ARHGEF28: variants seen among roughly 807,000 people sequenced by gnomAD.
The protein encoded by ARHGEF28 is 190 kDa guanine nucleotide exchange factor.
A neutral mutation model predicts 206.6 loss-of-function variants in ARHGEF28; 152 were observed. The ratio of observed to expected loss-of-function variants is 0.74; its 90% confidence interval spans 0.64 to 0.84. ARHGEF28 has a LOEUF of 0.84. Among genes scored for constraint, ARHGEF28 ranks in the 40% least tolerant of loss-of-function variants. ARHGEF28 has a pLI of 0.00. For synonymous variants in ARHGEF28, 763 were observed against 776.4 expected (o/e 0.98, Z 0.29); for missense variants, 2,028 against 2,073.2 (o/e 0.98, Z 0.42).
intron 7 of ARHGEF28, among the ~76,000 whole-genome samples, chr5:73,787,355 C>A (rs1461361208): frequency 6.6e-6 from 1 of 152,102 alleles, no homozygotes; most frequent in Non-Finnish European, 1.5e-5. Context: ...TCATACGCAG[C>A]CCTAGGAAAT....
At chr5:73,883,421 T>C (rs1001857419) in intron 23 of ARHGEF28, among the ~76,000 whole-genome samples, 1 of 152,150 alleles carries the variant, frequency 6.6e-6, no homozygotes, top group Non-Finnish European at 1.5e-5. Flanking sequence ...GGAAAACAAA[T>C]GGTAAACTGC....
chr5:73,787,214 G>T (rs926230256), intron 7 of ARHGEF28, among the ~76,000 whole-genome samples: 1 of 152,156 alleles, frequency 6.6e-6, no homozygotes, highest in African/African-American at 2.4e-5. Flanking sequence ...GTACTAGGCA[G>T]GCCGTTCTGC....
intron 1 of ARHGEF28, among the ~76,000 whole-genome samples, chr5:73,670,517 A>G (rs74370972): frequency 0.029 from 4,485 of 152,288 alleles, 245 homozygotes; most frequent in African/African-American, 0.1. Flanking sequence ...CAAGGAGAAA[A>G]TGCCCTTTTG....
In ARHGEF28 at chr5:73,720,579, C is replaced by T. The variant is rs569989235; in HGVS notation, c.34-29258C>T. 2.4e-4 allele frequency among the ~76,000 whole-genome samples: 36 copies of T among 152,016 alleles called. No homozygotes were observed. In the South Asian group the frequency reaches 5.8e-3, roughly 25 times the overall value. On this transcript the variant is annotated intron_variant, in intron 2 of 35. Transcript: ENST00000513042. Reference sequence around the variant, plus strand: ...AATGCAAGAGGAGGAAGGGGAATGACGGGTGGGATGGTAAAATTCGACAAG... The same window carrying T: ...AATGCAAGAGGAGGAAGGGGAATGATGGGTGGGATGGTAAAATTCGACAAG...
Position 73,836,465 on chromosome 5 carries a change from T to C in ARHGEF28, c.1146+4006T>C, listed in dbSNP as rs1304096732. 3.3e-5 allele frequency among the ~76,000 whole-genome samples: 5 copies of C among 152,204 alleles called. No homozygotes were observed. In the East Asian group the frequency reaches 5.8e-4, roughly 18 times the overall value. Reference sequence around the variant, plus strand: ...GTGTCATTTTTTGGGAAAATGTCTATTTAGGTACTTTATTTTTAAATCTGG... The same window carrying C: ...GTGTCATTTTTTGGGAAAATGTCTACTTAGGTACTTTATTTTTAAATCTGG... On this transcript the variant is annotated intron_variant, in intron 10 of 35. Transcript: ENST00000513042.
At chr5:73,879,402 T>C (rs1366423182) in intron 22 of ARHGEF28, among the ~76,000 whole-genome samples, 1 of 152,220 alleles carries the variant, frequency 6.6e-6, no homozygotes, top group Non-Finnish European at 1.5e-5. Flanking sequence ...AGTTTGATCA[T>C]CTGGAGCCTT....
intron 7 of ARHGEF28, among the ~76,000 whole-genome samples, chr5:73,784,753 C>G (rs1302556831): frequency 1.3e-5 from 2 of 152,006 alleles, no homozygotes; most frequent in African/African-American, 4.8e-5. Flanking sequence ...ACATACACAC[C>G]TATGATAAAG....
chr5:73,727,352 T>C (rs1394172556), intron 2 of ARHGEF28, among the ~76,000 whole-genome samples: 1 of 152,224 alleles, frequency 6.6e-6, no homozygotes, highest in Non-Finnish European at 1.5e-5. Context: ...TGTGACCACT[T>C]TCACTTTGTG....
intron 1 of ARHGEF28, chr5:73,627,186 G>C (rs1743064111): frequency 6.6e-6 from 1 of 152,300 alleles, no homozygotes; most frequent in Non-Finnish European, 1.5e-5. Flanking sequence ...TGTTTGTGCG[G>C]CTTCTCCCGC....
chr5:73,818,247 A>G (rs908275218), intron 9 of ARHGEF28, among the ~76,000 whole-genome samples: 3 of 152,166 alleles, frequency 2.0e-5, no homozygotes, highest in Admixed American at 6.5e-5. Context: ...TCATGAGCTC[A>G]TTTAATGTTT....
intron 1 of ARHGEF28, among the ~76,000 whole-genome samples, chr5:73,640,670 T>C (rs917473992): frequency 6.6e-5 from 10 of 152,206 alleles, no homozygotes. Flanking sequence ...TTAATTTAGA[T>C]GAGTGTTTTG....
At chr5:73,680,195 G>A (rs1032892230) in intron 1 of ARHGEF28, among the ~76,000 whole-genome samples, 1 of 152,056 alleles carries the variant, frequency 6.6e-6, no homozygotes, top group Non-Finnish European at 1.5e-5. Context: ...AGCCCTTTGG[G>A]AGGCTGAAGT....
intron 4 of ARHGEF28, among the ~76,000 whole-genome samples, chr5:73,771,622 G>C (rs1337701560): frequency 6.6e-6 from 1 of 151,610 alleles, no homozygotes; most frequent in Non-Finnish European, 1.5e-5. Context: ...TTCCTGTGTT[G>C]GGGAGTACAC....
intron 14 of ARHGEF28, among the ~76,000 whole-genome samples, chr5:73,856,581 G>T (rs1349729706): frequency 6.6e-6 from 1 of 151,960 alleles, no homozygotes; most frequent in Non-Finnish European, 1.5e-5. Context: ...TGTGGAAGGG[G>T]TCTTGGAAAT....
intron 30 of ARHGEF28, chr5:73,900,931 G>T: frequency 2.8e-6 from 1 of 357,362 alleles, no homozygotes; most frequent in Admixed American, 4.0e-5. Context: ...GTGCAAGAAA[G>T]AAAAGTACAA....
chr5:73,753,150 C>G lies in ARHGEF28; in HGVS notation c.423C>G (p.Thr141=). The part of the protein sequence containing the change: ...ALDEELVLAL[T]HLELPLEWTV... ...ATGAGGAGCTCGTGCTGGCTCTGAC[C>G]CATCTGGAATTGCCTCTAGAGTGGA... The change falls in exon 4 of 36, where the codon ACC becomes ACG. Residue 141 remains threonine, a synonymous_variant. Transcript: ENST00000513042. The G allele has an allele frequency of 6.4e-7, 1 of 1,556,350 alleles. No homozygotes were observed. The highest frequency in any genetic ancestry group is 8.7e-7 in the Non-Finnish European group (1 of 1,153,312).
intron 1 of ARHGEF28, among the ~76,000 whole-genome samples, chr5:73,658,226 C>T (rs1388534314): frequency 2.6e-5 from 4 of 152,006 alleles, no homozygotes; most frequent in Admixed American, 6.5e-5. Context: ...TAGTCCCTCT[C>T]CTGTCACCCC....
intron 2 of ARHGEF28, among the ~76,000 whole-genome samples, chr5:73,725,086 T>A (rs571012208): frequency 1.3e-4 from 20 of 152,358 alleles, no homozygotes; most frequent in African/African-American, 4.8e-4. Flanking sequence ...ATTCCATATG[T>A]ATTTCATTGT....
chr5:73,787,300 A>G (rs1754221923), intron 7 of ARHGEF28, among the ~76,000 whole-genome samples: 1 of 152,136 alleles, frequency 6.6e-6, no homozygotes. Flanking sequence ...ACTTGAAAAT[A>G]TTGTTTTCCT....
Sources: gnomAD v4.1 joint callset for allele counts (sites outside exome capture counted in the v4.1 genomes callset) on GRCh38, gnomAD v4.1.1 for gene constraint, MANE v1.5 for transcripts, NCBI Gene and HGNC (gene_info 2026-07-23, HGNC 2026-07-21) for gene names.